The following ZSWIM5 variants were observed in gnomAD, a reference collection of about 807,000 sequenced individuals.
ZSWIM5 encodes zinc finger SWIM-type containing 5.
Under a neutral mutation model 119.6 loss-of-function variants are expected in ZSWIM5, and 55 were observed. The ratio of observed to expected loss-of-function variants is 0.46; its 90% CI spans 0.37 to 0.58. The LOEUF (loss-of-function observed/expected upper bound fraction) is 0.58. Ranked by LOEUF, ZSWIM5 falls within the 20% of genes least tolerant of loss-of-function variation. ZSWIM5 has a pLI of 0.00. For missense variants in ZSWIM5, 1,193 were observed against 1,512.8 expected, an observed-to-expected ratio of 0.79 and a Z score of 3.51; for synonymous variants, 537 against 606.9, an observed-to-expected ratio of 0.88 and a Z score of 1.69.
At chr1:45,113,968 A>G (rs1367231445) in intron 1 of ZSWIM5, among the ~76,000 whole-genome samples, 1 of 152,232 alleles carries the variant, frequency 6.6e-6, no homozygotes, top group African/African-American at 2.4e-5. Flanking sequence ...TATGTAGTTT[A>G]TAAGTTCTCC....
Position 45,036,272 on chromosome 1 carries a change from T to A in ZSWIM5, c.1922A>T (p.Tyr641Phe). The A allele has an allele frequency of 6.2e-7, 1 of 1,613,686 alleles. No individual in the cohort carries two copies. The highest frequency in any genetic ancestry group is 8.5e-7 in the Non-Finnish European group (1 of 1,179,958). Residue 641 changes from tyrosine to phenylalanine, a missense_variant, in exon 9 of 14, where the codon TAC (tyrosine) becomes TTC (phenylalanine). By Grantham distance (22) the Tyr-to-Phe change is conservative (BLOSUM62 3). Around this residue, in one of 2 missense-constraint regions of ZSWIM5, gnomAD observed 961 missense variants for 1,290.0 expected, o/e 0.74. Coordinates refer to ENST00000359600, the MANE Select transcript of ZSWIM5 (RefSeq NM_020883.2). Reference protein sequence around the residue: ...SDMNESRPPVYQHVPVAAGSP... With the variant: ...SDMNESRPPVFQHVPVAAGSP... Reference sequence around the variant, plus strand: ...GCCTGCAGCCACAGGTACATGCTGGTACACAGGGGGTCTGCTTTCATTCAT... The same window carrying A: ...GCCTGCAGCCACAGGTACATGCTGGAACACAGGGGGTCTGCTTTCATTCAT...
intron 11 of ZSWIM5, among the ~76,000 whole-genome samples, chr1:45,032,256 G>A (rs940910652): frequency 3.3e-5 from 5 of 151,956 alleles, no homozygotes; most frequent in Non-Finnish European, 7.4e-5. Context: ...AGCCTCCTGA[G>A]TAGCTGGGAC....
chr1:45,130,921 CACAA>C (rs1005734015), intron 1 of ZSWIM5, among the ~76,000 whole-genome samples: 2 of 152,182 alleles, frequency 1.3e-5, no homozygotes, highest in Non-Finnish European at 2.9e-5. Context: ...ATTGATAACA[CACAA>C]CAGCACCATG....
At chr1:45,123,484 A>G (rs1645604905) in intron 1 of ZSWIM5, among the ~76,000 whole-genome samples, 1 of 152,190 alleles carries the variant, frequency 6.6e-6, no homozygotes, top group Non-Finnish European at 1.5e-5. Context: ...AAATGTATGG[A>G]CTCAGCAGCA....
At chr1:45,143,544 T>C (rs1645742981) in intron 1 of ZSWIM5, among the ~76,000 whole-genome samples, 1 of 152,068 alleles carries the variant, frequency 6.6e-6, no homozygotes, top group Non-Finnish European at 1.5e-5. Context: ...TCTACAAAAA[T>C]CCTCCATCTA....
At chr1:45,021,066 TG>T (rs1328539633) in intron 11 of ZSWIM5, among the ~76,000 whole-genome samples, 2 of 151,962 alleles carry the variant, frequency 1.3e-5, no homozygotes, top group African/African-American at 2.4e-5. Flanking sequence ...GACGGAGTCT[TG>T]CTCTGTTGCC....
chr1:45,070,608 T>G (rs948505237), intron 2 of ZSWIM5, among the ~76,000 whole-genome samples: 2 of 152,258 alleles, frequency 1.3e-5, no homozygotes, highest in Non-Finnish European at 2.9e-5. Flanking sequence ...TTTCTGATAC[T>G]AATAATTTTT....
intron 4 of ZSWIM5, among the ~76,000 whole-genome samples, chr1:45,051,937 A>G (rs939753401): frequency 2.6e-5 from 4 of 151,486 alleles, no homozygotes; most frequent in African/African-American, 9.7e-5. Flanking sequence ...AAAATAATTT[A>G]TTTGGACTTG....
chr1:45,112,552 G>A (rs910539740), intron 1 of ZSWIM5, among the ~76,000 whole-genome samples: 11 of 152,046 alleles, frequency 7.2e-5, no homozygotes, highest in Non-Finnish European at 1.5e-4. Flanking sequence ...GTAAAATGTC[G>A]GCTATGTTCC....
intron 1 of ZSWIM5, among the ~76,000 whole-genome samples, chr1:45,125,231 G>C (rs1645613697): frequency 6.6e-6 from 1 of 152,134 alleles, no homozygotes; most frequent in Non-Finnish European, 1.5e-5. Flanking sequence ...AAATAATACA[G>C]AGTGTGTTAT....
At chr1:45,106,348 C>T (rs1304731187) in intron 1 of ZSWIM5, among the ~76,000 whole-genome samples, 44 of 143,368 alleles carry the variant, frequency 3.1e-4, no homozygotes, top group African/African-American at 9.1e-4. Flanking sequence ...CCGGCTGCCC[C>T]GTCTGGGATG....
At chr1:45,177,314 A>G (rs966019493) in intron 1 of ZSWIM5, among the ~76,000 whole-genome samples, 9 of 152,176 alleles carry the variant, frequency 5.9e-5, no homozygotes, top group South Asian at 2.1e-4. Flanking sequence ...AAGAGTTGTT[A>G]TAGACTCTAA....
chr1:45,168,699 A>AT (rs1274309232), intron 1 of ZSWIM5, among the ~76,000 whole-genome samples: 3 of 149,992 alleles, frequency 2.0e-5, no homozygotes, highest in Admixed American at 1.3e-4. Flanking sequence ...TAAAGATTGA[A>AT]TTTTTTTTCC....
chr1:45,099,846 C>T (rs1645427360), intron 1 of ZSWIM5, among the ~76,000 whole-genome samples: 1 of 152,032 alleles, frequency 6.6e-6, no homozygotes, highest in Non-Finnish European at 1.5e-5. Flanking sequence ...CAAAATTCAA[C>T]AGCCTTCATG....
chr1:45,063,687 G>T (rs1645165885), intron 2 of ZSWIM5, among the ~76,000 whole-genome samples: 1 of 152,084 alleles, frequency 6.6e-6, no homozygotes, highest in African/African-American at 2.4e-5. Context: ...CAGAGTCAGG[G>T]CCGCAATGAG....
chr1:45,081,434 C>T (rs554462987), intron 2 of ZSWIM5, among the ~76,000 whole-genome samples: 1 of 152,228 alleles, frequency 6.6e-6, no homozygotes, highest in Non-Finnish European at 1.5e-5. Flanking sequence ...CCTCAGCCTG[C>T]GGAGTGCCTG....
At chr1:45,079,957 A>T (rs1317505073) in intron 2 of ZSWIM5, among the ~76,000 whole-genome samples, 4 of 152,042 alleles carry the variant, frequency 2.6e-5, no homozygotes, top group African/African-American at 9.7e-5. Context: ...CATGACTCTG[A>T]CTGGTGCCCT....
chr1:45,044,104 C>A (rs1645032634), intron 5 of ZSWIM5, among the ~76,000 whole-genome samples: 1 of 151,106 alleles, frequency 6.6e-6, no homozygotes, highest in Admixed American at 6.6e-5. Context: ...GCAGGAGGAC[C>A]ACTTGAACTC....
At chr1:45,093,662 C>A (rs1166296347) in intron 1 of ZSWIM5, among the ~76,000 whole-genome samples, 2 of 152,152 alleles carry the variant, frequency 1.3e-5, no homozygotes, top group Admixed American at 6.5e-5. Context: ...AGGGAAGTCC[C>A]TTTCAAATAT....
Sources: gnomAD v4.1 joint callset for allele counts (sites outside exome capture counted in the v4.1 genomes callset) on GRCh38, gnomAD v4.1.1 for gene constraint, gnomAD v4.1.1 regional missense constraint, MANE v1.5 for transcripts, NCBI Gene and HGNC (gene_info 2026-07-23, HGNC 2026-07-21) for gene names.